The following SH3D19 variants were observed in gnomAD, a reference collection of about 807,000 sequenced individuals.
SH3D19 encodes the protein SH3 domain-containing protein 19.
A neutral mutation model predicts 112.1 loss-of-function variants in SH3D19; 58 were observed. The ratio of observed to expected loss-of-function variants is 0.52; its 90% CI spans 0.42 to 0.64. SH3D19 has a LOEUF of 0.64. Among genes scored for constraint, SH3D19 ranks in the 30% least tolerant of loss-of-function variants. The probability of loss-of-function intolerance (pLI) is 0.00; values close to 1 mark genes in which losing one functional copy is unlikely to be tolerated. For missense variants in SH3D19, 1,090 were observed against 1,263.4 expected (o/e 0.86, Z 2.08); for synonymous variants, 391 against 448.5 (o/e 0.87, Z 1.62).
chr4:151,219,745 GCA>G (rs1030776284), intron 2 of SH3D19, among the ~76,000 whole-genome samples: 10 of 152,124 alleles, frequency 6.6e-5, no homozygotes, highest in African/African-American at 1.9e-4. Context: ...TACGTGCACT[GCA>G]CAGTCATGAC....
chr4:151,142,639 T>G (rs899453058), intron 12 of SH3D19, among the ~76,000 whole-genome samples: 4 of 152,178 alleles, frequency 2.6e-5, no homozygotes, highest in Non-Finnish European at 4.4e-5. Flanking sequence ...GGCAACAACC[T>G]TCCACTTTTC....
chr4:151,210,532 G>A (rs1461043902), intron 2 of SH3D19, among the ~76,000 whole-genome samples: 1 of 151,714 alleles, frequency 6.6e-6, no homozygotes, highest in Non-Finnish European at 1.5e-5. Flanking sequence ...CTCCCCAGTA[G>A]CTGGGACTAC....
In SH3D19 at chr4:151,214,493, C is replaced by G. The variant is rs537818357; in HGVS notation, c.152+11554G>C. On this transcript the variant is annotated intron_variant, in intron 2 of 19. Coordinates refer to ENST00000604030, the MANE Select transcript of SH3D19 (RefSeq NM_001378122.1). ...CCCACCTCCCTCCCGGACGGGGCGG[C>G]TGGCCGGGCAGAGGGGCTCCTCACT... Among the ~76,000 whole-genome samples, 11 of 126,520 alleles carry G rather than the reference C, an allele frequency of 8.7e-5. No homozygotes were observed. The East Asian group carries it at 3.0e-3, about 34-fold the overall frequency. 83.0% of individuals were successfully genotyped at this position (126,520 alleles called of 152,430 possible). A position where few individuals can be genotyped will look rare whatever the true frequency, so the allele number is the denominator to read the frequency against.
chr4:151,152,834 A>G (rs1342061284), intron 9 of SH3D19, among the ~76,000 whole-genome samples: 2 of 150,598 alleles, frequency 1.3e-5, no homozygotes, highest in Non-Finnish European at 3.0e-5. Flanking sequence ...CTACATATAT[A>G]TGTACATATA....
At chr4:151,201,732 C>T (rs551295231) in intron 2 of SH3D19, among the ~76,000 whole-genome samples, 4 of 152,082 alleles carry the variant, frequency 2.6e-5, no homozygotes, top group Non-Finnish European at 5.9e-5. Context: ...TAAAATAGGC[C>T]GGGCACAGTG....
intron 1 of SH3D19, among the ~76,000 whole-genome samples, chr4:151,306,663 C>A (rs1348707543): frequency 6.6e-6 from 1 of 152,188 alleles, no homozygotes; most frequent in African/African-American, 2.4e-5. Flanking sequence ...GTTTGCAAAA[C>A]CCATGTGCTC....
chr4:151,255,924 G>A (rs1771866117), intron 1 of SH3D19, among the ~76,000 whole-genome samples: 1 of 151,870 alleles, frequency 6.6e-6, no homozygotes, highest in Non-Finnish European at 1.5e-5. Context: ...GCTGTCAGGA[G>A]AATCAGGCAG....
intron 1 of SH3D19, among the ~76,000 whole-genome samples, chr4:151,284,285 T>C (rs914017904): frequency 9.8e-5 from 15 of 152,346 alleles, no homozygotes; most frequent in South Asian, 4.1e-4. Flanking sequence ...GTTCTTCAAA[T>C]TGGATATTTT....
intron 1 of SH3D19, among the ~76,000 whole-genome samples, chr4:151,246,052 A>G: frequency 7.5e-6 from 1 of 132,936 alleles, no homozygotes; most frequent in East Asian, 2.0e-4. Context: ...AAAAAAAAAA[A>G]AAAAGGCTGA....
intron 2 of SH3D19, among the ~76,000 whole-genome samples, chr4:151,222,413 CA>C (rs1561371502): frequency 1.3e-5 from 2 of 152,126 alleles, no homozygotes; most frequent in African/African-American, 4.8e-5. Context: ...GATTTATTTG[CA>C]AACATAAAAC....
intron 2 of SH3D19, among the ~76,000 whole-genome samples, chr4:151,212,169 T>A (rs1013153002): frequency 2.0e-5 from 3 of 152,252 alleles, no homozygotes; most frequent in Non-Finnish European, 4.4e-5. Flanking sequence ...TTTTTATTTT[T>A]TAGTAACAAG....
intron 1 of SH3D19, chr4:151,278,952 G>T: frequency 4.7e-6 from 1 of 214,390 alleles, no homozygotes. Flanking sequence ...ACTTTCATTT[G>T]TCTATTGGTT....
At chr4:151,170,584 A>G (rs1162374402) in intron 7 of SH3D19, 1 of 152,194 alleles carries the variant, frequency 6.6e-6, no homozygotes, top group Non-Finnish European at 1.5e-5. Context: ...TGAATAATAT[A>G]ACCATTTAGA....
intron 2 of SH3D19, among the ~76,000 whole-genome samples, chr4:151,212,439 G>A (rs944571094): frequency 1.3e-5 from 2 of 152,084 alleles, no homozygotes; most frequent in Non-Finnish European, 2.9e-5. Flanking sequence ...GGGGCACCTG[G>A]CCTCATTTAC....
At chr4:151,242,449 C>T (rs558631194) in intron 1 of SH3D19, among the ~76,000 whole-genome samples, 10 of 152,130 alleles carry the variant, frequency 6.6e-5, no homozygotes, top group South Asian at 2.1e-4. Flanking sequence ...AAATAACATG[C>T]GCAGAGTCAC....
Position 151,135,123 on chromosome 4 carries a change from G to T in SH3D19, c.2437C>A (p.Pro813Thr). ...ANYVKVIIDI[P>T]EGGNGKRECV... Reference sequence around the variant, plus strand: ...TCTCTTTTCCCATTTCCTCCTTCTGGGATATCAATCTAGCAAAGATAAAAT... The same window carrying T: ...TCTCTTTTCCCATTTCCTCCTTCTGTGATATCAATCTAGCAAAGATAAAAT... Residue 813 changes from proline to threonine, a missense_variant, in exon 15 of 20, where the codon CCA becomes ACA. By Grantham distance (38) the Pro-to-Thr change is conservative. Coordinates refer to ENST00000604030, the MANE Select transcript of SH3D19 (RefSeq NM_001378122.1). 2.5e-6 allele frequency: 4 copies of T among 1,599,894 alleles called. No individual in the cohort carries two copies. The highest frequency in any genetic ancestry group is 3.4e-6 in the Non-Finnish European group (4 of 1,173,404).
At chr4:151,132,125 C>T (rs1325298427) in intron 17 of SH3D19, among the ~76,000 whole-genome samples, 1 of 152,174 alleles carries the variant, frequency 6.6e-6, no homozygotes, top group African/African-American at 2.4e-5. Flanking sequence ...TGCCCAGTCT[C>T]TGTTTTCATT....
intron 2 of SH3D19, among the ~76,000 whole-genome samples, chr4:151,212,534 A>G (rs1766136911): frequency 6.6e-6 from 1 of 152,242 alleles, no homozygotes; most frequent in Non-Finnish European, 1.5e-5. Flanking sequence ...AGATGACAGC[A>G]TATCTGTTTA....
chr4:151,234,019 G>A (rs1769814430), intron 1 of SH3D19, among the ~76,000 whole-genome samples: 1 of 152,098 alleles, frequency 6.6e-6, no homozygotes. Context: ...ATCTAATATT[G>A]CTGCAAAATG....
Sources: allele counts gnomAD v4.1 joint callset (sites outside exome capture counted in the v4.1 genomes callset), GRCh38; gene constraint gnomAD v4.1.1; transcripts MANE v1.5; gene names NCBI Gene and HGNC (gene_info 2026-07-23, HGNC 2026-07-21).